Variants in GEMIN5 observed in about 807,000 individuals in gnomAD.
GEMIN5 encodes the protein gem-associated protein 5.
In GEMIN5, 124 loss-of-function variants were observed where a neutral mutation model predicts 176.9. The observed-to-expected ratio is 0.70, with a 90% CI of 0.61 to 0.81. The LOEUF is 0.81. GEMIN5 is among the 40% of genes least tolerant of loss of function. GEMIN5 has a pLI of 0.00. For missense variants in GEMIN5, 1,843 were observed against 1,814.6 expected, an observed-to-expected ratio of 1.02 and a Z score of -0.28; for synonymous variants, 673 against 665.2, an observed-to-expected ratio of 1.01 and a Z score of -0.18.
In GEMIN5 at chr5:154,904,539, C is replaced by G; in HGVS notation, c.2600G>C (p.Cys867Ser). ...GTGCTTTGCAGTTGCTAGTACCAAACAGTCCTGATGAAGCTCCTCTTTGGA... is the reference window on the plus strand; with the variant it reads ...GTGCTTTGCAGTTGCTAGTACCAAAGAGTCCTGATGAAGCTCCTCTTTGGA... ...HRSKEELHQD[C>S]LVLATAKHSR... Residue 867 changes from cysteine to serine, a missense_variant, in exon 18 of 28, where the codon TGT becomes TCT. Physicochemically the swap from Cys to Ser is moderately radical, Grantham distance 112. Coordinates refer to ENST00000285873, the MANE Select transcript of GEMIN5 (RefSeq NM_015465.5). 1 of 1,613,478 alleles carries G rather than the reference C, an allele frequency of 6.2e-7. No individual in the cohort carries two copies. Among genetic ancestry groups the G allele is most frequent in the Non-Finnish European group, 8.5e-7 (1 of 1,179,382 alleles).
At chr5:154,901,826 G>T (rs1173164473) in intron 20 of GEMIN5, among the ~76,000 whole-genome samples, 1 of 151,466 alleles carries the variant, frequency 6.6e-6, no homozygotes, top group African/African-American at 2.4e-5. Context: ...TTGAGACAGG[G>T]TCTCACTCTG....
At position 154,896,117 on chromosome 5, in the gene GEMIN5, G is replaced by A; in HGVS notation, c.3572C>T (p.Ala1191Val). 1 of 1,613,704 alleles carries A rather than the reference G, an allele frequency of 6.2e-7. No homozygotes were observed. Among genetic ancestry groups the A allele is most frequent in the Non-Finnish European group, 8.5e-7 (1 of 1,179,850 alleles). Residue 1191 changes from alanine (A) to valine (V), a missense_variant, in exon 24 of 28, where the codon GCT (alanine) becomes GTT (valine). Physicochemically the swap from Ala to Val is moderately conservative, Grantham distance 64. Transcript: ENST00000285873. ...CTGTTTGGCAGGTGTGTTATTTGTA[G>A]CAGATGGGTACTTGATGTTCTGCAG... ...QKLQNIKYPSATNNTPAKQLL... is the reference protein window; with the variant it reads ...QKLQNIKYPSVTNNTPAKQLL...
intron 15 of GEMIN5, among the ~76,000 whole-genome samples, chr5:154,908,564 G>A (rs1321041309): frequency 1.3e-5 from 2 of 152,180 alleles, no homozygotes; most frequent in Non-Finnish European, 2.9e-5. Context: ...GTTCCCTTCA[G>A]CCTGGAACAG....
In GEMIN5 at chr5:154,924,510, A is replaced by C; in HGVS notation, c.1338T>G (p.Thr446=). 6.2e-7 allele frequency: 1 copy of C among 1,612,704 alleles called. No homozygotes were observed. Among genetic ancestry groups the C allele is most frequent in the East Asian group, 2.2e-5 (1 of 44,876 alleles). The change falls in exon 9 of 28, where the codon ACT becomes ACG. Residue 446 remains threonine, a synonymous_variant. Transcript: ENST00000285873. ...PTKEGCLAFG[T]DDGKVGLYDT... ...CATACAATCCCACTTTTCCATCATC[A>C]GTTCCAAAAGCTAAGCAACCTTCCT...
At chr5:154,929,095 G>T (rs1057442263) in intron 5 of GEMIN5, among the ~76,000 whole-genome samples, 3 of 152,066 alleles carry the variant, frequency 2.0e-5, no homozygotes, top group African/African-American at 7.2e-5. Context: ...GTGGTGGCAG[G>T]CACCTGTAGT....
chr5:154,902,984 TATA>T (rs1436086453), intron 19 of GEMIN5, 93 bp downstream of exon 19: 3 of 839,718 alleles, frequency 3.6e-6, no homozygotes, highest in East Asian at 2.5e-5. Flanking sequence ...AACTAACCAT[TATA>T]ATATCACAGG....
chr5:154,937,158 T>C lies in GEMIN5; in HGVS notation c.194A>G (p.Glu65Gly), dbSNP rs1316067188. The C allele has an allele frequency of 5.6e-6, 9 of 1,612,952 alleles. No individual in the cohort carries two copies. The Admixed American group carries it at 6.7e-5, about 12-fold the overall frequency. The change falls in exon 2 of 28, where the codon GAA (glutamate) becomes GGA (glycine). Residue 65 changes from glutamate to glycine, a missense_variant. Glu to Gly is a moderately conservative substitution (Grantham distance 98). Coordinates refer to ENST00000285873, the MANE Select transcript of GEMIN5 (RefSeq NM_015465.5). Reference protein sequence around the residue: ...RVIGELVGHTERVSGFTFSHH... With the variant: ...RVIGELVGHTGRVSGFTFSHH... ...AGAAAATGTGAAGCCAGAGACCCTT[T>C]CGGTGTGTCCCACCAACTCTCCTAT... is the stretch of plus-strand genomic sequence containing the variant.
At chr5:154,931,625 C>G in intron 4 of GEMIN5, 48 bp from the exon 5 acceptor site, 1 of 1,497,576 alleles carries the variant, frequency 6.7e-7, no homozygotes, top group Non-Finnish European at 9.1e-7. Context: ...TAAACACGCA[C>G]TAATATAAAA....
At chr5:154,921,524 AACT>A (rs1763921150) in intron 9 of GEMIN5, 99 bp from the exon 10 acceptor site, 1 of 661,556 alleles carries the variant, frequency 1.5e-6, no homozygotes, top group Non-Finnish European at 2.7e-6. Context: ...TTATAAACAT[AACT>A]ACTAATAATT....
chr5:154,902,757 A>C, intron 19 of GEMIN5, 81 bp from the exon 20 acceptor site: 1 of 1,415,920 alleles, frequency 7.1e-7, no homozygotes, highest in Non-Finnish European at 9.8e-7. Flanking sequence ...GGCAAGATAG[A>C]AGAGAAAGTG....
chr5:154,910,945 A>G (rs1448156449), intron 15 of GEMIN5, among the ~76,000 whole-genome samples: 1 of 151,576 alleles, frequency 6.6e-6, no homozygotes, highest in Non-Finnish European at 1.5e-5. Flanking sequence ...TGATCCGCCC[A>G]TCTCGGCCTC....
At position 154,917,234 on chromosome 5, in the gene GEMIN5, C is replaced by G. The variant is rs1348247847; in HGVS notation, c.1674-55G>C. 7.4e-6 allele frequency: 8 copies of G among 1,075,196 alleles called. 1 individual carries two copies. Among genetic ancestry groups the G allele is most frequent in the African/African-American group, 1.6e-5 (1 of 62,692 alleles). The allele number at this position is 1,075,196 out of a possible 1,614,324, so 66.6% of individuals were successfully genotyped here. On this transcript the variant is annotated intron_variant, in intron 12 of 27. Coordinates refer to ENST00000285873, the MANE Select transcript of GEMIN5 (RefSeq NM_015465.5). ...AGATGGATGATCAAATTACAAGTTA[C>G]AATGCAAATAGTAGCTCCCTCATTC... is the stretch of plus-strand genomic sequence containing the variant.
In GEMIN5 at chr5:154,891,511, G is replaced by A; in HGVS notation, c.3992C>T (p.Ser1331Phe). 1 of 1,614,180 alleles carries A rather than the reference G, an allele frequency of 6.2e-7. No individual in the cohort carries two copies. The highest frequency in any genetic ancestry group is 8.5e-7 in the Non-Finnish European group (1 of 1,180,034). The change falls in exon 26 of 28, where the codon TCT (serine) becomes TTT (phenylalanine). Residue 1331 changes from serine (S) to phenylalanine (F), a missense_variant. Transcript: ENST00000285873. The stretch of plus-strand genomic sequence containing the variant: ...TGAAGGCCTGTTTGGCTCTGGCTGA[G>A]AAGTTTCAGGGTCCGTTTCTTCAGT... ...ASTEETDPET[S>F]QPEPNRPSEL...
chr5:154,901,579 T>C, intron 20 of GEMIN5, 93 bp from the exon 21 acceptor site: 1 of 1,057,204 alleles, frequency 9.5e-7, no homozygotes. Context: ...CTTGTTTTCG[T>C]CAATGCATTC....
At chr5:154,897,914 G>GTTTTTTTTTT (rs35458616) in intron 23 of GEMIN5, among the ~76,000 whole-genome samples, 1 of 124,510 alleles carries the variant, frequency 8.0e-6, no homozygotes, top group African/African-American at 3.0e-5. Flanking sequence ...TTTTTTTTGT[G>GTTTTTTTTTT]TTTTTTTTTT....
rs116096944 is a variant in GEMIN5, at chr5:154,909,849, C to T, written c.2167+1878G>A. ...CAAACAATTAGCTGGGTGTGAGGCA[C>T]GCACCTATAGTCACAGCTACTCAAA... On this transcript the variant is annotated intron_variant, in intron 15 of 27. Transcript: ENST00000285873. Among the ~76,000 whole-genome samples, 995 of 152,074 alleles carry T rather than the reference C, an allele frequency of 6.5e-3. 7 individuals carry two copies. The highest frequency in any genetic ancestry group is 0.023 in the African/African-American group (957 of 41,484).
At chr5:154,900,192 T>G (rs1349244379) in intron 21 of GEMIN5, among the ~76,000 whole-genome samples, 1 of 152,224 alleles carries the variant, frequency 6.6e-6, no homozygotes, top group Non-Finnish European at 1.5e-5. Flanking sequence ...TGTGGTATTT[T>G]TGGGTATTTT....
chr5:154,898,794 G>A, intron 22 of GEMIN5, 144 bp from the exon 23 acceptor site: 4 of 703,202 alleles, frequency 5.7e-6, no homozygotes, highest in African/African-American at 1.8e-5. Flanking sequence ...GGTTGTTCCT[G>A]TGAAGGCTGA....
chr5:154,901,021 G>C (rs1182172228), intron 21 of GEMIN5, among the ~76,000 whole-genome samples: 1 of 152,122 alleles, frequency 6.6e-6, no homozygotes, highest in Non-Finnish European at 1.5e-5. Context: ...AACCAAAGCA[G>C]GGTAGAACAA....
Sources: allele counts gnomAD v4.1 joint callset (sites outside exome capture counted in the v4.1 genomes callset), GRCh38; gene constraint gnomAD v4.1.1; transcripts MANE v1.5; gene names NCBI Gene and HGNC (gene_info 2026-07-23, HGNC 2026-07-21).